The following NRG2 variants were observed in gnomAD, a reference collection of about 807,000 sequenced individuals.
NRG2 encodes the protein neuregulin 2, also known as pro-neuregulin-2, membrane-bound isoform.
A neutral mutation model predicts 73.9 loss-of-function variants in NRG2; 27 were observed. That is an observed-to-expected ratio of 0.37 (90% CI 0.27 to 0.50). The LOEUF is 0.50. Ranked by LOEUF, NRG2 falls within the 20% of genes least tolerant of loss-of-function variation. The pLI is 0.96. For missense variants in NRG2, 1,126 were observed against 1,210.1 expected (o/e 0.93, Z 1.03); for synonymous variants, 532 against 541.0 (o/e 0.98, Z 0.23).
chr5:140,038,183 A>T (rs1194205452), intron 1 of NRG2, among the ~76,000 whole-genome samples: 1 of 152,178 alleles, frequency 6.6e-6, no homozygotes, highest in African/African-American at 2.4e-5. Context: ...GCCCTAGATA[A>T]AACAGGATAG....
At chr5:140,027,991 C>T (rs774445965) in intron 1 of NRG2, among the ~76,000 whole-genome samples, 3 of 152,176 alleles carry the variant, frequency 2.0e-5, no homozygotes, top group Non-Finnish European at 4.4e-5. Flanking sequence ...ACTCACATGC[C>T]AGGCTGGATT....
At chr5:139,984,512 C>T (rs1050745487) in intron 1 of NRG2, among the ~76,000 whole-genome samples, 4 of 152,160 alleles carry the variant, frequency 2.6e-5, no homozygotes, top group Admixed American at 6.5e-5. Context: ...GCTGCCAAAG[C>T]GAGCATAATT....
chr5:139,982,613 C>T (rs1169663910), intron 1 of NRG2, among the ~76,000 whole-genome samples: 1 of 152,202 alleles, frequency 6.6e-6, no homozygotes, highest in African/African-American at 2.4e-5. Flanking sequence ...CAGTCCTAGA[C>T]AGCGAGTTTC....
At chr5:140,018,129 G>A (rs1759941588) in intron 1 of NRG2, among the ~76,000 whole-genome samples, 1 of 152,076 alleles carries the variant, frequency 6.6e-6, no homozygotes, top group Admixed American at 6.5e-5. Context: ...ATCCCAGGAA[G>A]CAAACAACCT....
intron 1 of NRG2, among the ~76,000 whole-genome samples, chr5:139,994,742 A>C (rs1026263826): frequency 2.0e-5 from 3 of 152,220 alleles, no homozygotes; most frequent in African/African-American, 7.2e-5. Flanking sequence ...TGTGCACTCA[A>C]GAGGTCTGGG....
At position 139,904,279 on chromosome 5, in the gene NRG2, G is replaced by A. The variant is rs1397769039; in HGVS notation, c.701-16768C>T. Reference sequence around the variant, plus strand: ...CGGCAGGTTTCTCCCAGGGAAACCGGGTTTCTGGGCGCGCGGAGGTGCCCT... The same window carrying A: ...CGGCAGGTTTCTCCCAGGGAAACCGAGTTTCTGGGCGCGCGGAGGTGCCCT... On this transcript the variant is annotated intron_variant, in intron 1 of 9. Transcript: ENST00000361474. The surrounding 1 kb of genome is among the most constrained non-coding windows in gnomAD (Gnocchi z 6.0). 1.3e-6 allele frequency: 2 copies of A among 1,581,404 alleles called. No individual in the cohort carries two copies. The highest frequency in any genetic ancestry group is 2.3e-5 in the East Asian group (1 of 43,306).
chr5:140,007,859 C>A (rs374912454), intron 1 of NRG2, among the ~76,000 whole-genome samples: 1 of 152,310 alleles, frequency 6.6e-6, no homozygotes, highest in Middle Eastern at 3.4e-3. Context: ...AGAACCTTGG[C>A]CCAAACCTTG....
rs201941539 is a variant in NRG2 at position 139,848,616 on chromosome 5, G to T, written c.1854C>A (p.Phe618Leu). 19 of 1,577,986 alleles carry T rather than the reference G, an allele frequency of 1.2e-5. No individual in the cohort carries two copies. In the African/African-American group the frequency reaches 2.1e-4, roughly 17 times the overall value. Reference protein sequence around the residue: ...HYSLATQVPTFEITSPNSAHA... With the variant: ...HYSLATQVPTLEITSPNSAHA... Reference sequence around the variant, plus strand: ...GCGCCGAGTTGGGGGACGTGATCTCGAAAGTTGGCACCTGCGTGGCCAGCG... The same window carrying T: ...GCGCCGAGTTGGGGGACGTGATCTCTAAAGTTGGCACCTGCGTGGCCAGCG... The change falls in exon 10 of 10, where the codon TTC becomes TTA. Residue 618 changes from phenylalanine to leucine, a missense_variant. By Grantham distance (22) the Phe-to-Leu change is conservative. Coordinates refer to ENST00000361474, the MANE Select transcript of NRG2 (RefSeq NM_004883.3).
intron 9 of NRG2, 74 bp from the exon 10 acceptor site, chr5:139,848,771 T>TCGGGGGGGGGGGGGGG: frequency 1.8e-5 from 1 of 54,660 alleles, no homozygotes; most frequent in East Asian, 2.7e-4. Context: ...GGGGGTGGGG[T>TCGGGGGGGGGGGGGGG]AGGGTGGGAG....
At chr5:140,004,355 T>C (rs1758730421) in intron 1 of NRG2, among the ~76,000 whole-genome samples, 1 of 152,146 alleles carries the variant, frequency 6.6e-6, no homozygotes, top group Non-Finnish European at 1.5e-5. Context: ...TACCAATGGG[T>C]GCTAAAATTA....
intron 1 of NRG2, among the ~76,000 whole-genome samples, chr5:139,931,725 T>A (rs1752480592): frequency 1.3e-5 from 2 of 152,294 alleles, no homozygotes; most frequent in African/African-American, 4.8e-5. Flanking sequence ...ATTACAGAGC[T>A]AAGGTGTACA....
intron 4 of NRG2, among the ~76,000 whole-genome samples, chr5:139,867,762 C>CTGTGTGTGTGTG (rs367771225): frequency 1.9e-4 from 24 of 128,872 alleles, no homozygotes; most frequent in East Asian, 4.7e-4. Context: ...GAAGGGAAAC[C>CTGTGTGTGTGTG]TGTGTGTGTG....
rs557310960 is a variant in NRG2 at position 140,042,979 on chromosome 5, C to CGCT, written c.88_90dup (p.Ser30dup). 512 of 1,535,828 alleles carry CGCT rather than the reference C, an allele frequency of 3.3e-4. 1 individual carries two copies. In the African/African-American group the frequency reaches 4.9e-3, roughly 15 times the overall value. On this transcript the variant is annotated inframe_insertion, in exon 1 of 10. Transcript: ENST00000361474. ...CTGCTGCTGCTGCTGCTGCTCCTCT[C>CGCT]GCTGCTGCTGCTGCTGCTGTCGCTG...
chr5:139,880,256 G>C (rs1262441830), intron 3 of NRG2, among the ~76,000 whole-genome samples: 4 of 152,146 alleles, frequency 2.6e-5, no homozygotes, highest in Non-Finnish European at 5.9e-5. Flanking sequence ...GCAGCAGGAA[G>C]GCAGCCTCTA....
intron 1 of NRG2, among the ~76,000 whole-genome samples, chr5:139,905,558 G>C (rs1360923183): frequency 6.6e-6 from 1 of 152,158 alleles, no homozygotes; most frequent in African/African-American, 2.4e-5. Context: ...GCTGTCTGGG[G>C]ATGCGGCCAG....
At chr5:139,863,424 T>G (rs1762275851) in intron 5 of NRG2, among the ~76,000 whole-genome samples, 1 of 152,254 alleles carries the variant, frequency 6.6e-6, no homozygotes. Flanking sequence ...TGGACTGCCT[T>G]TGCAGGCTCT....
chr5:140,014,508 A>G (rs1255136007), intron 1 of NRG2, among the ~76,000 whole-genome samples: 1 of 152,130 alleles, frequency 6.6e-6, no homozygotes, highest in Non-Finnish European at 1.5e-5. Flanking sequence ...AAGTGCCGGG[A>G]TTACAGGCAT....
chr5:139,914,485 A>G (rs1751092915), intron 1 of NRG2, among the ~76,000 whole-genome samples: 1 of 152,194 alleles, frequency 6.6e-6, no homozygotes, highest in South Asian at 2.1e-4. Flanking sequence ...CAGGGTTCCC[A>G]GTATGTGTAT....
intron 1 of NRG2, among the ~76,000 whole-genome samples, chr5:139,944,193 G>A (rs113122926): frequency 6.0e-4 from 91 of 152,052 alleles, no homozygotes; most frequent in African/African-American, 2.1e-3. Context: ...CACATACAAG[G>A]TATGGTGATT....
Sources: allele counts gnomAD v4.1 joint callset (sites outside exome capture counted in the v4.1 genomes callset), GRCh38; gene constraint gnomAD v4.1.1; non-coding constraint Gnocchi (gnomAD v3.1); transcripts MANE v1.5; gene names NCBI Gene and HGNC (gene_info 2026-07-23, HGNC 2026-07-21).